LRCH2: variants seen among roughly 807,000 people sequenced by gnomAD.
The protein encoded by LRCH2 is leucine rich repeats and calponin homology domain containing 2.
LRCH2 carries 38 observed loss-of-function variants against 68.9 expected under a neutral mutation model. The ratio of observed to expected loss-of-function variants is 0.55; its 90% CI spans 0.43 to 0.72. LRCH2 has a LOEUF of 0.72. Among genes scored for constraint, LRCH2 ranks in the 30% least tolerant of loss-of-function variants. LRCH2 has a pLI of 0.00. For missense variants in LRCH2, 528 were observed against 572.9 expected (o/e 0.92, Z 0.80); for synonymous variants, 191 against 208.1 (o/e 0.92, Z 0.71).
At chrX:115,129,866 A>G (rs1054508568) in intron 15 of LRCH2, among the ~76,000 whole-genome samples, 2 of 111,599 alleles carry the variant, frequency 1.8e-5, no homozygotes, top group Admixed American at 9.6e-5. Context: ...ATTTAGAAAG[A>G]TAAAAGATGT....
rs187759473 is a variant in LRCH2, at chrX:115,111,942, C to T, written c.*1274G>A. 4 of 112,222 alleles carry T rather than the reference C, an allele frequency of 3.6e-5. No individual in the cohort carries two copies. Among genetic ancestry groups the T allele is most frequent in the Non-Finnish European group, 7.5e-5 (4 of 53,035 alleles). 9.2% of individuals were successfully genotyped at this position (112,222 alleles called of 1,213,427 possible). ...TACAAAAGTAATTATTCAGGTTCTT[C>T]TATAGGAAACTCAGTTATTCATTAC... On this transcript the variant is annotated 3_prime_UTR_variant, in exon 21 of 21. Coordinates refer to ENST00000317135, the MANE Select transcript of LRCH2 (RefSeq NM_020871.4).
In LRCH2 at chrX:115,123,107, C is replaced by T. The variant is rs374914122; in HGVS notation, c.1935G>A (p.Glu645=). 82 of 1,208,089 alleles carry T rather than the reference C, an allele frequency of 6.8e-5. No individual in the cohort carries two copies. Among genetic ancestry groups the T allele is most frequent in the Non-Finnish European group, 8.9e-5 (80 of 894,403 alleles). ...TGCGAAGTTGTCGTATTTGCTCTCG[C>T]TCTTCCCGTAAATGTTCCATCTTTC... The part of the protein sequence containing the change: ...MRRKMEHLRE[E]REQIRQLRNN... The change falls in exon 18 of 21, where the codon GAG becomes GAA. Residue 645 remains glutamate, a synonymous_variant. Coordinates refer to ENST00000317135, the MANE Select transcript of LRCH2 (RefSeq NM_020871.4).
At chrX:115,180,998 G>A (rs997152270) in intron 3 of LRCH2, among the ~76,000 whole-genome samples, 3 of 111,457 alleles carry the variant, frequency 2.7e-5, no homozygotes, top group South Asian at 3.7e-4. Context: ...GGCTATGCTC[G>A]CAATAGTGGG....
chrX:115,168,987 G>A (rs1455278804), intron 6 of LRCH2, among the ~76,000 whole-genome samples: 1 of 111,296 alleles, frequency 9.0e-6, no homozygotes, highest in Non-Finnish European at 1.9e-5. Flanking sequence ...CTCCAACCAC[G>A]CTGGTCTCCT....
In LRCH2 at chrX:115,192,204, C is replaced by T. The variant is rs782310893; in HGVS notation, c.350-3834G>A. The stretch of plus-strand genomic sequence containing the variant: ...ACGAGGAATACCAAGGCCGCTCGCC[C>T]AATGCCTACGGCGGGGGCCGCGGCC... On this transcript the variant is annotated intron_variant, in intron 1 of 20. Transcript: ENST00000317135. 5.2e-5 allele frequency: 60 copies of T among 1,164,443 alleles called. No homozygotes were observed. The Middle Eastern group carries it at 1.2e-3, about 23-fold the overall frequency.
intron 1 of LRCH2, among the ~76,000 whole-genome samples, chrX:115,216,883 C>T (rs2073045215): frequency 8.9e-6 from 1 of 111,906 alleles, no homozygotes; most frequent in African/African-American, 3.3e-5. Context: ...AGGAATTTTA[C>T]AGAACTGAAG....
At chrX:115,192,408 C>G in intron 1 of LRCH2, 1 of 1,166,440 alleles carries the variant, frequency 8.6e-7, no homozygotes, top group Non-Finnish European at 1.1e-6. Context: ...ACCAGGGCAG[C>G]TTGCCTGACG....
chrX:115,130,804 C>A (rs966067179), intron 14 of LRCH2, among the ~76,000 whole-genome samples: 1 of 111,645 alleles, frequency 9.0e-6, no homozygotes, highest in African/African-American at 3.3e-5. Flanking sequence ...CATGTATTAA[C>A]CCATTTAATC....
intron 20 of LRCH2, among the ~76,000 whole-genome samples, chrX:115,116,901 C>T (rs1556524255): frequency 9.0e-6 from 1 of 110,804 alleles, no homozygotes; most frequent in Non-Finnish European, 1.9e-5. Context: ...ACACAAAAAG[C>T]ACAGCCCATT....
intron 11 of LRCH2, among the ~76,000 whole-genome samples, chrX:115,158,764 C>T (rs1256111389): frequency 1.8e-5 from 2 of 111,639 alleles, no homozygotes; most frequent in Admixed American, 9.5e-5. Context: ...CAATGGGAAC[C>T]AGTTAAATGA....
intron 16 of LRCH2, among the ~76,000 whole-genome samples, chrX:115,125,847 C>G (rs1478436227): frequency 9.4e-6 from 1 of 106,765 alleles, no homozygotes; most frequent in Non-Finnish European, 1.9e-5. Context: ...TTTAAGATAT[C>G]CTAATTTAAA....
intron 15 of LRCH2, among the ~76,000 whole-genome samples, chrX:115,129,384 C>A (rs782138763): frequency 9.0e-6 from 1 of 111,347 alleles, no homozygotes; most frequent in East Asian, 2.8e-4. Context: ...CATACCCATA[C>A]AAAACATGTA....
intron 3 of LRCH2, among the ~76,000 whole-genome samples, chrX:115,182,187 C>T (rs2072697196): frequency 9.0e-6 from 1 of 111,387 alleles, no homozygotes; most frequent in Non-Finnish European, 1.9e-5. Flanking sequence ...ATATAAAACT[C>T]CTAATTATTT....
At chrX:115,224,018 G>C (rs982057635) in intron 1 of LRCH2, among the ~76,000 whole-genome samples, 1 of 111,285 alleles carries the variant, frequency 9.0e-6, no homozygotes, top group African/African-American at 3.3e-5. Context: ...AACTGCTGCT[G>C]AGAATGCAAA....
intron 16 of LRCH2, among the ~76,000 whole-genome samples, chrX:115,125,502 T>C (rs1409659943): frequency 0.042 from 7 of 167 alleles, 2 homozygotes; most frequent in African/African-American, 0.13. Flanking sequence ...TATATATATA[T>C]ATATATATAT....
At position 115,173,699 on chromosome X, in the gene LRCH2, T is replaced by C. The variant is rs2072623127; in HGVS notation, c.865-3267A>G. On this transcript the variant is annotated intron_variant, in intron 5 of 20. Coordinates refer to ENST00000317135, the MANE Select transcript of LRCH2 (RefSeq NM_020871.4). ...AGGTGTACAACGTGATGCTTTGATATACAGTTGACCCTTGAACAACACAAG... is the reference window on the plus strand; with the variant it reads ...AGGTGTACAACGTGATGCTTTGATACACAGTTGACCCTTGAACAACACAAG... 1.8e-5 allele frequency among the ~76,000 whole-genome samples: 2 copies of C among 111,666 alleles called. 1 individual carries two copies. The highest frequency in any genetic ancestry group is 7.5e-4 in the South Asian group (2 of 2,659).
intron 1 of LRCH2, among the ~76,000 whole-genome samples, chrX:115,195,080 CA>C (rs1173792543): frequency 9.0e-6 from 1 of 110,656 alleles, no homozygotes; most frequent in Non-Finnish European, 1.9e-5. Context: ...GTCAGGAGTT[CA>C]AGACCAGCCT....
intron 14 of LRCH2, among the ~76,000 whole-genome samples, chrX:115,144,083 T>C (rs2072361894): frequency 9.0e-6 from 1 of 111,311 alleles, no homozygotes; most frequent in African/African-American, 3.3e-5. Flanking sequence ...GTTGTTCTCA[T>C]GATAGTGAAT....
Position 115,224,681 on chromosome X carries a change from C to CAA in LRCH2, c.349+9010_349+9011dup, listed in dbSNP as rs782620582. Among the ~76,000 whole-genome samples, 163 of 56,205 alleles carry CAA rather than the reference C, an allele frequency of 2.9e-3. 2 individuals carry two copies. The highest frequency in any genetic ancestry group is 9.3e-3 in the African/African-American group (152 of 16,402). 48.8% of individuals were successfully genotyped at this position (56,205 alleles called of 115,157 possible). A position where few individuals can be genotyped will look rare whatever the true frequency, so the allele number is the denominator to read the frequency against. The stretch of plus-strand genomic sequence containing the variant: ...CCTTGGCAATACAGCGAGACTCTGT[C>CAA]AAAAAAAAAAAAAAAGAAAAAAGAA... On this transcript the variant is annotated intron_variant, in intron 1 of 20. Transcript: ENST00000317135.
Sources: allele counts gnomAD v4.1 joint callset (sites outside exome capture counted in the v4.1 genomes callset), GRCh38; gene constraint gnomAD v4.1.1; transcripts MANE v1.5; gene names NCBI Gene and HGNC (gene_info 2026-07-23, HGNC 2026-07-21).